Variants in DYTN observed in about 807,000 individuals in gnomAD.
DYTN encodes dystrotelin.
DYTN carries 75 observed loss-of-function variants against 69.6 expected under a neutral mutation model. That is an observed-to-expected ratio of 1.08 (90% CI 0.89 to 1.31). The LOEUF is 1.31. Among genes scored for constraint, DYTN ranks in the 50% most tolerant of loss-of-function variants. DYTN has a pLI of 0.00. For synonymous variants in DYTN, 252 were observed against 249.1 expected, an observed-to-expected ratio of 1.01 and a Z score of -0.11; for missense variants, 726 against 688.4, an observed-to-expected ratio of 1.05 and a Z score of -0.61.
intron 9 of DYTN, among the ~76,000 whole-genome samples, chr2:206,685,647 C>T (rs1699797852): frequency 6.6e-6 from 1 of 152,034 alleles, no homozygotes; most frequent in Admixed American, 6.6e-5. Context: ...GAGGGGCAGG[C>T]CAAGTTCATC....
At chr2:206,668,468 C>T (rs900719866) in intron 9 of DYTN, among the ~76,000 whole-genome samples, 1 of 152,168 alleles carries the variant, frequency 6.6e-6, no homozygotes, top group East Asian at 1.9e-4. Context: ...CAGGACTTTC[C>T]AGGCAATTAT....
At chr2:206,694,693 G>T in intron 8 of DYTN, 73 bp downstream of exon 8, 1 of 1,239,848 alleles carries the variant, frequency 8.1e-7, no homozygotes, top group Non-Finnish European at 1.1e-6. Flanking sequence ...TCACTGGAGG[G>T]AAGGTTTTTT....
rs1172865125 is a variant in DYTN, at chr2:206,699,740, T to C, written c.706A>G (p.Ile236Val). The C allele has an allele frequency of 6.2e-7, 1 of 1,612,592 alleles. No individual in the cohort carries two copies. The highest frequency in any genetic ancestry group is 8.5e-7 in the Non-Finnish European group (1 of 1,179,472). The change falls in exon 7 of 12, where the codon ATC becomes GTC. Residue 236 changes from isoleucine to valine, a missense_variant. Coordinates refer to ENST00000452335, the MANE Select transcript of DYTN (RefSeq NM_001093730.1). The part of the protein sequence containing the change: ...ARCTLCRTFP[I>V]TGLRYRCLKC... ...TGATGACTGTACCTGAGTCCCGTGA[T>C]TGGGAAAGTCCTGCAGAGAGTGCAC...
At chr2:206,677,997 A>G (rs1699709141) in intron 9 of DYTN, among the ~76,000 whole-genome samples, 1 of 152,198 alleles carries the variant, frequency 6.6e-6, no homozygotes, top group African/African-American at 2.4e-5. Context: ...CTCAAAAAAA[A>G]AAAGACTAAC....
At chr2:206,672,714 C>T (rs1249198916) in intron 9 of DYTN, among the ~76,000 whole-genome samples, 1 of 152,188 alleles carries the variant, frequency 6.6e-6, no homozygotes, top group East Asian at 1.9e-4. Context: ...TTCTGAAAAC[C>T]TTTCTTAAGC....
chr2:206,694,066 T>C (rs1699892992), intron 8 of DYTN, among the ~76,000 whole-genome samples: 1 of 152,212 alleles, frequency 6.6e-6, no homozygotes, highest in East Asian at 1.9e-4. Context: ...CATCCTTCGC[T>C]ATTGTGGTAT....
chr2:206,662,804 A>G lies in DYTN; in HGVS notation c.1633+99T>C, dbSNP rs1482203269. ...TAGATTCAGAGCACTGCTACATACT[A>G]GATGAACTGGAGCTGTTGGGCTGTT... On this transcript the variant is annotated intron_variant, in intron 11 of 11. Transcript: ENST00000452335. 4 of 1,496,340 alleles carry G rather than the reference A, an allele frequency of 2.7e-6. No individual in the cohort carries two copies. In the African/African-American group the frequency reaches 4.3e-5, roughly 16 times the overall value. 92.7% of individuals were successfully genotyped at this position (1,496,340 alleles called of 1,614,324 possible). A position where few individuals can be genotyped will look rare whatever the true frequency, so the allele number is the denominator to read the frequency against.
chr2:206,697,094 G>A (rs751233889), intron 7 of DYTN, among the ~76,000 whole-genome samples: 7 of 152,184 alleles, frequency 4.6e-5, no homozygotes, highest in Non-Finnish European at 1.0e-4. Flanking sequence ...ATTATTTGAT[G>A]AGTCATCCAT....
In DYTN at chr2:206,716,558, C is replaced by T. The variant is rs143812360; in HGVS notation, c.19+1703G>A. ...AATTTGCTCTAAATCTTTTGTTATTCATCATTTCCTTAGGCTTTAAAAATG... is the reference window on the plus strand; with the variant it reads ...AATTTGCTCTAAATCTTTTGTTATTTATCATTTCCTTAGGCTTTAAAAATG... On this transcript the variant is annotated intron_variant, in intron 1 of 11. Transcript: ENST00000452335. Among the ~76,000 whole-genome samples, 20 of 152,038 alleles carry T rather than the reference C, an allele frequency of 1.3e-4. No individual in the cohort carries two copies. The East Asian group carries it at 3.9e-3, about 29-fold the overall frequency.
chr2:206,692,817 T>A (rs533788920), intron 9 of DYTN, among the ~76,000 whole-genome samples: 48 of 151,898 alleles, frequency 3.2e-4, no homozygotes, highest in Admixed American at 5.9e-4. Flanking sequence ...TTTTTTTTTT[T>A]AAATAAAGTA....
At chr2:206,705,136 C>A in intron 4 of DYTN, 193 bp from the exon 5 acceptor site, 1 of 577,230 alleles carries the variant, frequency 1.7e-6, no homozygotes, top group East Asian at 2.9e-5. Context: ...TGTTCCTGTT[C>A]CCCAGGTTAG....
At chr2:206,667,006 C>T (rs1699580137) in intron 9 of DYTN, among the ~76,000 whole-genome samples, 1 of 152,128 alleles carries the variant, frequency 6.6e-6, no homozygotes, top group South Asian at 2.1e-4. Context: ...AACTGCACCA[C>T]TGCTCTCCAG....
At chr2:206,705,424 T>C (rs1477375089) in intron 4 of DYTN, among the ~76,000 whole-genome samples, 1 of 152,192 alleles carries the variant, frequency 6.6e-6, no homozygotes, top group African/African-American at 2.4e-5. Flanking sequence ...TAACCGTAAT[T>C]TGATAACTAA....
chr2:206,713,840 G>T (rs980217402), intron 1 of DYTN, among the ~76,000 whole-genome samples: 1 of 152,224 alleles, frequency 6.6e-6, no homozygotes, highest in Admixed American at 6.5e-5. Context: ...CCCAGAGGAA[G>T]AAGTCTTGAG....
intron 9 of DYTN, among the ~76,000 whole-genome samples, chr2:206,692,230 A>G (rs116242121): frequency 0.012 from 1,860 of 150,788 alleles, 40 homozygotes; most frequent in African/African-American, 0.042. Context: ...GTGCCACTGC[A>G]CTCCAACCTG....
intron 4 of DYTN, 65 bp from the exon 5 acceptor site, chr2:206,705,008 C>T (rs1700012017): frequency 2.3e-6 from 3 of 1,305,572 alleles, no homozygotes; most frequent in Non-Finnish European, 3.3e-6. Flanking sequence ...AGAGTACTTG[C>T]TTTGAAGTAA....
chr2:206,668,962 T>C (rs1212819255), intron 9 of DYTN, among the ~76,000 whole-genome samples: 1 of 152,206 alleles, frequency 6.6e-6, no homozygotes, highest in Non-Finnish European at 1.5e-5. Context: ...ACCATGATTG[T>C]AAGTTTCCTG....
At chr2:206,715,035 C>T (rs145479311) in intron 1 of DYTN, among the ~76,000 whole-genome samples, 9 of 151,738 alleles carry the variant, frequency 5.9e-5, no homozygotes, top group Admixed American at 3.3e-4. Flanking sequence ...GTCTAAGATA[C>T]TAAGCAGCAT....
intron 9 of DYTN, among the ~76,000 whole-genome samples, chr2:206,684,128 T>C (rs1699781883): frequency 6.6e-6 from 1 of 152,108 alleles, no homozygotes; most frequent in Non-Finnish European, 1.5e-5. Flanking sequence ...TCAATAAACT[T>C]ATTGAATAAA....
Sources: allele counts gnomAD v4.1 joint callset (sites outside exome capture counted in the v4.1 genomes callset), GRCh38; gene constraint gnomAD v4.1.1; transcripts MANE v1.5; gene names NCBI Gene and HGNC (gene_info 2026-07-23, HGNC 2026-07-21).